The following WDR36 variants were observed in gnomAD, a reference collection of about 807,000 sequenced individuals.
The protein encoded by WDR36 is WD repeat domain 36, also known as WD repeat-containing protein 36.
In WDR36, 63 loss-of-function variants were observed where a neutral mutation model predicts 112.7. The ratio of observed to expected loss-of-function variants is 0.56; its 90% CI spans 0.46 to 0.69. The LOEUF (loss-of-function observed/expected upper bound fraction) is 0.69, where lower values mean the gene tolerates loss of function less well. Among genes scored for constraint, WDR36 ranks in the 30% least tolerant of loss-of-function variants. The probability of loss-of-function intolerance (pLI) is 0.00; values close to 1 mark genes in which losing one functional copy is unlikely to be tolerated. For missense variants in WDR36, 1,226 were observed against 1,070.3 expected (o/e 1.15, Z -2.03); for synonymous variants, 410 against 362.2 (o/e 1.13, Z -1.50).
At chr5:111,117,244 A>T (rs1753473716) in intron 16 of WDR36, among the ~76,000 whole-genome samples, 1 of 152,174 alleles carries the variant, frequency 6.6e-6, no homozygotes, top group African/African-American at 2.4e-5. Context: ...ACACACTTTG[A>T]TGTGTGTGTG....
intron 15 of WDR36, among the ~76,000 whole-genome samples, chr5:111,111,814 A>T (rs1316651911): frequency 6.6e-6 from 1 of 151,956 alleles, no homozygotes; most frequent in East Asian, 1.9e-4. Flanking sequence ...TTTAAATAGC[A>T]TATTTCATTA....
At chr5:111,102,256 T>C (rs1244789221) in intron 5 of WDR36, 89 bp from the exon 6 acceptor site, 2 of 934,942 alleles carry the variant, frequency 2.1e-6, no homozygotes, top group Admixed American at 4.5e-5. Context: ...AAATATCACC[T>C]ATTATTATTT....
intron 10 of WDR36, among the ~76,000 whole-genome samples, chr5:111,105,789 T>A (rs1258853013): frequency 6.6e-6 from 1 of 151,630 alleles, no homozygotes; most frequent in African/African-American, 2.4e-5. Flanking sequence ...AACAAAATCT[T>A]ACTTGGTTTT....
In WDR36 at chr5:111,128,587, G is replaced by A. The variant is rs1387091567; in HGVS notation, c.*1704G>A. 1.1e-5 allele frequency: 2 copies of A among 179,502 alleles called. No homozygotes were observed. Among genetic ancestry groups the A allele is most frequent in the Admixed American group, 1.3e-4 (2 of 15,878 alleles). The allele number at this position is 179,502 out of a possible 1,614,324, so 11.1% of individuals were successfully genotyped here. The stretch of plus-strand genomic sequence containing the variant: ...TAACTAAAACAAAATGATAAGAGCT[G>A]TGAACTGAAATTGTATTGCTTACAG... On this transcript the variant is annotated 3_prime_UTR_variant, in exon 23 of 23. Coordinates refer to ENST00000513710, the MANE Select transcript of WDR36 (RefSeq NM_139281.3).
intron 15 of WDR36, chr5:111,111,539 A>T (rs1179853118): frequency 5.1e-6 from 2 of 395,366 alleles, no homozygotes; most frequent in Non-Finnish European, 9.5e-6. Flanking sequence ...ACTTTAGAGA[A>T]TGAATGATCC....
intron 2 of WDR36, among the ~76,000 whole-genome samples, chr5:111,095,533 G>C (rs568883080): frequency 6.6e-6 from 1 of 152,156 alleles, no homozygotes. Context: ...GTTGCCAAAT[G>C]CATGTTGATT....
chr5:111,113,752 C>G (rs1753396653), intron 16 of WDR36, among the ~76,000 whole-genome samples: 1 of 152,090 alleles, frequency 6.6e-6, no homozygotes, highest in African/African-American at 2.4e-5. Flanking sequence ...GGTGGAGACT[C>G]TGAAGAGTCC....
At chr5:111,118,113 C>A (rs771186751) in intron 16 of WDR36, among the ~76,000 whole-genome samples, 3 of 152,100 alleles carry the variant, frequency 2.0e-5, no homozygotes, top group Non-Finnish European at 2.9e-5. Context: ...GACTTTCCAT[C>A]GATTATAAGA....
At chr5:111,103,047 A>G (rs557882946) in intron 6 of WDR36, among the ~76,000 whole-genome samples, 12 of 151,634 alleles carry the variant, frequency 7.9e-5, no homozygotes, top group African/African-American at 1.2e-4. Context: ...AGAAGACTCC[A>G]TAAGTATCAG....
Position 111,098,703 on chromosome 5 carries a change from T to C in WDR36, c.292-19T>C, listed in dbSNP as rs760294620. The C allele has an allele frequency of 3.4e-6, 5 of 1,463,268 alleles. No homozygotes were observed. The Admixed American group carries it at 8.4e-5, about 24-fold the overall frequency. 90.6% of individuals were successfully genotyped at this position (1,463,268 alleles called of 1,614,324 possible). A position where few individuals can be genotyped will look rare whatever the true frequency, so the allele number is the denominator to read the frequency against. On this transcript the variant is annotated intron_variant, in intron 3 of 22. Transcript: ENST00000513710. The stretch of plus-strand genomic sequence containing the variant: ...GACTGAGTAATAATATGAAATTCTT[T>C]TAAACTTCGATGTTTTAGATAGTAC...
At chr5:111,092,685 G>A in intron 1 of WDR36, 67 bp downstream of exon 1, 1 of 1,525,678 alleles carries the variant, frequency 6.6e-7, no homozygotes, top group Non-Finnish European at 8.9e-7. Context: ...CTGTCCTGGA[G>A]CAGTCCGGTT....
rs538312562 is a variant in WDR36, at chr5:111,092,723, C to T, written c.162+105C>T. The T allele has an allele frequency of 5.1e-5, 65 of 1,280,786 alleles. 1 individual carries two copies. In the South Asian group the frequency reaches 7.6e-4, roughly 15 times the overall value. 79.3% of individuals were successfully genotyped at this position (1,280,786 alleles called of 1,614,324 possible). A position where few individuals can be genotyped will look rare whatever the true frequency, so the allele number is the denominator to read the frequency against. On this transcript the variant is annotated intron_variant, in intron 1 of 22. Transcript: ENST00000513710. ...CCCTTCCCATTTACCACGGGCTTCC[C>T]TTCTTTAACCCCTCCCTGTCCTATT...
chr5:111,122,901 G>C, intron 19 of WDR36, among the ~76,000 whole-genome samples: 1 of 152,180 alleles, frequency 6.6e-6, no homozygotes, highest in Non-Finnish European at 1.5e-5. Flanking sequence ...TTTGAGGTCA[G>C]GAGTTCGAGA....
chr5:111,123,718 A>G (rs747532183), intron 19 of WDR36, 87 bp from the exon 20 acceptor site: 14 of 1,527,626 alleles, frequency 9.2e-6, no homozygotes, highest in South Asian at 1.2e-5. Context: ...ACTTTTTGGT[A>G]TTTGTTTTAA....
In WDR36 at chr5:111,128,463, A is replaced by C. The variant is rs1288930836; in HGVS notation, c.*1580A>C. On this transcript the variant is annotated 3_prime_UTR_variant, in exon 23 of 23. Coordinates refer to ENST00000513710, the MANE Select transcript of WDR36 (RefSeq NM_139281.3). ...AAATGTTAATCATGACTTAAGTTCT[A>C]ATTTAAAAAACTATTTTCCTCTTTC... The C allele has an allele frequency of 5.5e-6, 1 of 180,650 alleles. No homozygotes were observed. Among genetic ancestry groups the C allele is most frequent in the South Asian group, 2.0e-4 (1 of 5,058 alleles). The allele number at this position is 180,650 out of a possible 1,614,324, so 11.2% of individuals were successfully genotyped here.
chr5:111,124,826 G>C (rs530869651), intron 21 of WDR36, among the ~76,000 whole-genome samples: 1 of 152,274 alleles, frequency 6.6e-6, no homozygotes, highest in East Asian at 1.9e-4. Flanking sequence ...GCAAAAGTCA[G>C]AGAATGATAC....
At chr5:111,107,266 T>C (rs551227473) in intron 11 of WDR36, 28 bp from the exon 12 acceptor site, 126 of 1,601,290 alleles carry the variant, frequency 7.9e-5, no homozygotes, top group Non-Finnish European at 9.6e-5. Flanking sequence ...GAAAAGTAAT[T>C]TGATTTATGA....
Position 111,129,072 on chromosome 5 carries a change from GT to G in WDR36, c.*2195del, listed in dbSNP as rs1189858030. Reference sequence around the variant, plus strand: ...TACAACTTGCTATTTCTACTTGGGAGTTTTTTATTTTGGTACATTCACATTT... The same window carrying G: ...TACAACTTGCTATTTCTACTTGGGAGTTTTTATTTTGGTACATTCACATTT... On this transcript the variant is annotated 3_prime_UTR_variant, in exon 23 of 23. Coordinates refer to ENST00000513710, the MANE Select transcript of WDR36 (RefSeq NM_139281.3). 30 of 198,090 alleles carry G rather than the reference GT, an allele frequency of 1.5e-4. No homozygotes were observed. The highest frequency in any genetic ancestry group is 2.9e-4 in the Non-Finnish European group (28 of 95,740). The allele number at this position is 198,090 out of a possible 1,614,324, so 12.3% of individuals were successfully genotyped here.
intron 22 of WDR36, among the ~76,000 whole-genome samples, chr5:111,126,117 C>T (rs1182644346): frequency 6.6e-6 from 1 of 152,050 alleles, no homozygotes; most frequent in African/African-American, 2.4e-5. Flanking sequence ...ACTTTACCCC[C>T]TGACATTTTT....
Sources: gnomAD v4.1 joint callset for allele counts (sites outside exome capture counted in the v4.1 genomes callset) on GRCh38, gnomAD v4.1.1 for gene constraint, MANE v1.5 for transcripts, NCBI Gene and HGNC (gene_info 2026-07-23, HGNC 2026-07-21) for gene names.